The following INTS6 variants were observed in gnomAD, a reference collection of about 807,000 sequenced individuals.
INTS6 encodes integrator complex subunit 6.
INTS6 carries 16 observed loss-of-function variants against 104.9 expected under a neutral mutation model. That is an observed-to-expected ratio of 0.15 (90% CI 0.10 to 0.23). The LOEUF (loss-of-function observed/expected upper bound fraction) is 0.23, where lower values mean the gene tolerates loss of function less well. Among genes scored for constraint, INTS6 ranks in the 10% least tolerant of loss-of-function variants. The probability of loss-of-function intolerance (pLI) is 1.00; values close to 1 mark genes in which losing one functional copy is unlikely to be tolerated. For missense variants in INTS6, 584 were observed against 1,062.8 expected (o/e 0.55, Z 6.26); for synonymous variants, 324 against 358.7 (o/e 0.90, Z 1.09).
At chr13:51,366,217 T>C (rs1005924893) in intron 17 of INTS6, among the ~76,000 whole-genome samples, 8 of 152,044 alleles carry the variant, frequency 5.3e-5, no homozygotes, top group African/African-American at 1.9e-4. Flanking sequence ...AATAGCTTCT[T>C]CTCATGCTCT....
chr13:51,411,253 A>G (rs990308349), intron 4 of INTS6, among the ~76,000 whole-genome samples: 9 of 149,532 alleles, frequency 6.0e-5, no homozygotes, highest in Non-Finnish European at 8.9e-5. Flanking sequence ...AAATAAATAA[A>G]TAAGCAAGCA....
chr13:51,388,368 G>GTGTTTTTT (rs1344133694), intron 6 of INTS6, among the ~76,000 whole-genome samples: 1 of 148,598 alleles, frequency 6.7e-6, no homozygotes, highest in Admixed American at 6.7e-5. Context: ...GTGTGTGTGT[G>GTGTTTTTT]TTTTGTTTTT....
In INTS6 at chr13:51,375,933, A is replaced by T. The variant is rs1955921502; in HGVS notation, c.1729+115T>A. The T allele has an allele frequency of 3.9e-6, 3 of 778,218 alleles. No individual in the cohort carries two copies. In the South Asian group the frequency reaches 1.0e-4, roughly 26 times the overall value. 48.2% of individuals were successfully genotyped at this position (778,218 alleles called of 1,614,324 possible). On this transcript the variant is annotated intron_variant, in intron 13 of 17. Coordinates refer to ENST00000311234, the MANE Select transcript of INTS6 (RefSeq NM_012141.3). ...TTTTACTTCATTTGTTTGAACTTAC[A>T]ATAAGAATGTTATAGTACTGTAATA...
At chr13:51,421,193 C>T in intron 4 of INTS6, 1 of 985,744 alleles carries the variant, frequency 1.0e-6, no homozygotes, top group Non-Finnish European at 1.2e-6. Context: ...AGGCTTTTCC[C>T]CACGATCTGA....
intron 3 of INTS6, chr13:51,447,733 GAAAAAAAAAAAAAAA>G: frequency 1.8e-5 from 1 of 55,476 alleles, no homozygotes; most frequent in Non-Finnish European, 3.3e-5. Context: ...ATAATTTACT[GAAAAAAAAAAAAAAA>G]AAAAAAAAAG....
At chr13:51,385,608 G>A (rs939542446) in intron 7 of INTS6, among the ~76,000 whole-genome samples, 3 of 152,164 alleles carry the variant, frequency 2.0e-5, no homozygotes, top group Non-Finnish European at 4.4e-5. Flanking sequence ...GCTTACAAAA[G>A]ATAACCAAAG....
At chr13:51,450,951 T>C (rs1953029880) in intron 3 of INTS6, 74 bp downstream of exon 3, 2 of 1,396,014 alleles carry the variant, frequency 1.4e-6, no homozygotes, top group South Asian at 2.0e-5. Context: ...TCATGTTATG[T>C]AGTTTTTGGA....
Position 51,362,138 on chromosome 13 carries a change from T to C in INTS6, c.*3614A>G, listed in dbSNP as rs936757272. On this transcript the variant is annotated 3_prime_UTR_variant, in exon 18 of 18. Coordinates refer to ENST00000311234, the MANE Select transcript of INTS6 (RefSeq NM_012141.3). ...TCAGCTCATATATAGTTAATGTAGA[T>C]TTTTTTTTTTAATGCTATAGGTTTC... 65 of 715,140 alleles carry C rather than the reference T, an allele frequency of 9.1e-5. No homozygotes were observed. Among genetic ancestry groups the C allele is most frequent in the Admixed American group, 1.0e-4 (2 of 19,638 alleles). The allele number at this position is 715,140 out of a possible 1,614,324, so 44.3% of individuals were successfully genotyped here. A position where few individuals can be genotyped will look rare whatever the true frequency, so the allele number is the denominator to read the frequency against.
chr13:51,391,622 A>T (rs915992782), intron 5 of INTS6, among the ~76,000 whole-genome samples: 1 of 152,178 alleles, frequency 6.6e-6, no homozygotes, highest in African/African-American at 2.4e-5. Context: ...TTGTGAAAAA[A>T]GTTTTATTAG....
At chr13:51,383,816 A>T in intron 7 of INTS6, 75 bp from the exon 8 acceptor site, 1 of 1,296,434 alleles carries the variant, frequency 7.7e-7, no homozygotes. Flanking sequence ...CATTATCAAA[A>T]TTTACTCAGT....
chr13:51,409,358 G>A (rs912292912), intron 4 of INTS6, among the ~76,000 whole-genome samples: 2 of 149,482 alleles, frequency 1.3e-5, no homozygotes, highest in Non-Finnish European at 3.0e-5. Flanking sequence ...TATTTCATTC[G>A]TACTTTCTAG....
At chr13:51,360,948 T>C (rs1206372335), downstream of INTS6, among the ~76,000 whole-genome samples, 1 of 152,058 alleles carries the variant, frequency 6.6e-6, no homozygotes, top group East Asian at 1.9e-4. Context: ...GGAGGGATTG[T>C]AGTTTTAACT....
downstream of INTS6, among the ~76,000 whole-genome samples, chr13:51,361,109 C>T (rs1485233484): frequency 1.3e-5 from 2 of 151,596 alleles, no homozygotes; most frequent in African/African-American, 4.8e-5. Flanking sequence ...AAACAGCTAC[C>T]TGAGCCTCCA....
chr13:51,429,545 C>A (rs1332706557), intron 4 of INTS6, among the ~76,000 whole-genome samples: 2 of 151,656 alleles, frequency 1.3e-5, no homozygotes, highest in Non-Finnish European at 2.9e-5. Context: ...GCAGGTGGAT[C>A]CTGAGGTCAG....
Position 51,387,264 on chromosome 13 carries a change from T to G in INTS6, c.894+122A>C, listed in dbSNP as rs17252200. ...TAATAAAGCAAGTAACAGGGTATCA[T>G]AGCACTTTGAACATCTGTCTAATCC... On this transcript the variant is annotated intron_variant, in intron 7 of 17. Coordinates refer to ENST00000311234, the MANE Select transcript of INTS6 (RefSeq NM_012141.3). 7.8e-6 allele frequency: 6 copies of G among 772,428 alleles called. No individual in the cohort carries two copies. In the East Asian group the frequency reaches 1.7e-4, roughly 22 times the overall value. 47.8% of individuals were successfully genotyped at this position (772,428 alleles called of 1,614,324 possible).
intron 4 of INTS6, among the ~76,000 whole-genome samples, chr13:51,400,814 G>A (rs955185857): frequency 8.5e-5 from 13 of 152,196 alleles, no homozygotes; most frequent in Non-Finnish European, 1.5e-5. Flanking sequence ...GGAAGGGAAA[G>A]AGGGAGGAAA....
At chr13:51,395,507 TAATAA>T in intron 4 of INTS6, 24 bp from the exon 5 acceptor site, 1 of 1,591,978 alleles carries the variant, frequency 6.3e-7, no homozygotes, top group Non-Finnish European at 8.5e-7. Flanking sequence ...GGAAAAACAG[TAATAA>T]GAATTCCACA....
intron 12 of INTS6, among the ~76,000 whole-genome samples, chr13:51,377,049 A>AT (rs1449601365): frequency 6.6e-6 from 1 of 152,068 alleles, no homozygotes. Flanking sequence ...CAATCCCTGT[A>AT]TTTTTTGTCT....
the INTS6 span, chr13:51,344,237 A>G: frequency 6.2e-7 from 1 of 1,605,518 alleles, no homozygotes; most frequent in Non-Finnish European, 8.5e-7. Context: ...ACTTATCCCA[A>G]CTTGTTTTTC....
Sources: gnomAD v4.1 joint callset for allele counts (sites outside exome capture counted in the v4.1 genomes callset) on GRCh38, gnomAD v4.1.1 for gene constraint, MANE v1.5 for transcripts, NCBI Gene and HGNC (gene_info 2026-07-23, HGNC 2026-07-21) for gene names.